Variants in TMEM154 observed in about 807,000 individuals in gnomAD.
The protein encoded by TMEM154 is transmembrane protein 154.
TMEM154 carries 27 observed loss-of-function variants against 24.5 expected under a neutral mutation model. The ratio of observed to expected loss-of-function variants is 1.10; its 90% confidence interval spans 0.81 to 1.52. The LOEUF (loss-of-function observed/expected upper bound fraction) is 1.52, where lower values mean the gene tolerates loss of function less well. Ranked by LOEUF, TMEM154 falls within the 40% of genes most tolerant of loss-of-function variation. The pLI is 0.00. For synonymous variants in TMEM154, 67 were observed against 76.8 expected (o/e 0.87, Z 0.67); for missense variants, 228 against 213.4 (o/e 1.07, Z -0.43).
chr4:152,628,936 C>T (rs1046265588), intron 6 of TMEM154, among the ~76,000 whole-genome samples: 16 of 151,954 alleles, frequency 1.1e-4, no homozygotes, highest in African/African-American at 2.7e-4. Flanking sequence ...TGAGCCACTG[C>T]ACCCGGCCAA....
chr4:152,645,064 C>G (rs1017361962), intron 3 of TMEM154, among the ~76,000 whole-genome samples: 5 of 152,178 alleles, frequency 3.3e-5, no homozygotes, highest in African/African-American at 1.2e-4. Context: ...AGCTCAGCAC[C>G]TTGCTTGCAT....
rs1272839956 is a variant in TMEM154 at position 152,627,515 on chromosome 4, A to G, written c.*1031T>C. ...CTTTTAGCACAAGGATGTCAAAAATATCACATAGAATGTCATCTCTGATGG... is the reference window on the plus strand; with the variant it reads ...CTTTTAGCACAAGGATGTCAAAAATGTCACATAGAATGTCATCTCTGATGG... On this transcript the variant is annotated 3_prime_UTR_variant, in exon 7 of 7. Transcript: ENST00000304385. The G allele has an allele frequency of 1.3e-5, 2 of 152,210 alleles. No individual in the cohort carries two copies. Among genetic ancestry groups the G allele is most frequent in the African/African-American group, 4.8e-5 (2 of 41,458 alleles). 9.4% of individuals were successfully genotyped at this position (152,210 alleles called of 1,614,324 possible).
In TMEM154 at chr4:152,654,639, G is replaced by T. The variant is rs578096144; in HGVS notation, c.65-1712C>A. On this transcript the variant is annotated intron_variant, in intron 1 of 6. Coordinates refer to ENST00000304385, the MANE Select transcript of TMEM154 (RefSeq NM_152680.3). The stretch of plus-strand genomic sequence containing the variant: ...GTGGGGACCCTATGACAGGATTATT[G>T]CTCCTATGAGAAGATAAGAAAACCA... Among the ~76,000 whole-genome samples the T allele has an allele frequency of 2.6e-5, 4 of 152,304 alleles. No individual in the cohort carries two copies. The East Asian group carries it at 7.7e-4, about 29-fold the overall frequency.
At chr4:152,663,221 C>T (rs1314495212) in intron 1 of TMEM154, among the ~76,000 whole-genome samples, 1 of 152,146 alleles carries the variant, frequency 6.6e-6, no homozygotes, top group African/African-American at 2.4e-5. Flanking sequence ...CTGTACTTGC[C>T]TGTTTCTCTG....
rs112861894 is a variant in TMEM154, at chr4:152,647,330, G to GA, written c.365-2889dup. ...CTTCCATGATAGTTGTATTTTACCTGAAAAAAAATCAAATTTTGCTCATGT... is the reference window on the plus strand; with the variant it reads ...CTTCCATGATAGTTGTATTTTACCTGAAAAAAAAATCAAATTTTGCTCATGT... On this transcript the variant is annotated intron_variant, in intron 3 of 6. Transcript: ENST00000304385. 2,823 of 984,776 alleles carry GA rather than the reference G, an allele frequency of 2.9e-3. 59 individuals are homozygous for GA. The African/African-American group carries it at 0.044, about 15-fold the overall frequency. The allele number at this position is 984,776 out of a possible 1,614,324, so 61.0% of individuals were successfully genotyped here. A position where few individuals can be genotyped will look rare whatever the true frequency, so the allele number is the denominator to read the frequency against.
At position 152,648,908 on chromosome 4, in the gene TMEM154, G is replaced by A. The variant is rs1311643358; in HGVS notation, c.364+3630C>T. On this transcript the variant is annotated intron_variant, in intron 3 of 6. Coordinates refer to ENST00000304385, the MANE Select transcript of TMEM154 (RefSeq NM_152680.3). ...AATTTTAAAAAATTTAAAAAGCTCT[G>A]TTTGCTTTTTTTTCTTAAGCTTAGA... Among the ~76,000 whole-genome samples the A allele has an allele frequency of 2.6e-5, 4 of 152,144 alleles. No homozygotes were observed. In the East Asian group the frequency reaches 7.7e-4, roughly 29 times the overall value.
At chr4:152,654,571 T>C (rs1455097455) in intron 1 of TMEM154, among the ~76,000 whole-genome samples, 1 of 152,168 alleles carries the variant, frequency 6.6e-6, no homozygotes, top group African/African-American at 2.4e-5. Flanking sequence ...GGCTAAGAGG[T>C]GAGGCCTTTG....
chr4:152,669,731 C>T (rs1728788500), intron 1 of TMEM154: 1 of 152,128 alleles, frequency 6.6e-6, no homozygotes. Context: ...CATTGGAATC[C>T]CGTTTCTGAA....
In TMEM154 at chr4:152,626,618, T is replaced by G. The variant is rs1409942494; in HGVS notation, c.*1928A>C. The G allele has an allele frequency of 6.6e-6, 1 of 152,218 alleles. No individual in the cohort carries two copies. Among genetic ancestry groups the G allele is most frequent in the Non-Finnish European group, 1.5e-5 (1 of 68,038 alleles). 9.4% of individuals were successfully genotyped at this position (152,218 alleles called of 1,614,324 possible). ...TTTAAAATACTGCATGAGAATATTT[T>G]TATCATATTATATAATATGACTTCA... On this transcript the variant is annotated 3_prime_UTR_variant, in exon 7 of 7. Coordinates refer to ENST00000304385, the MANE Select transcript of TMEM154 (RefSeq NM_152680.3).
chr4:152,637,187 T>G (rs1242091249), intron 6 of TMEM154, among the ~76,000 whole-genome samples: 1 of 152,186 alleles, frequency 6.6e-6, no homozygotes, highest in East Asian at 1.9e-4. Context: ...AAAATCCCAG[T>G]GTGGGAGGGG....
chr4:152,673,737 T>C (rs146790439), intron 1 of TMEM154, among the ~76,000 whole-genome samples: 2 of 152,370 alleles, frequency 1.3e-5, no homozygotes, highest in Admixed American at 1.3e-4. Flanking sequence ...TTAATTTTAC[T>C]TGTTATGTTG....
At chr4:152,629,092 G>A (rs1314580993) in intron 6 of TMEM154, among the ~76,000 whole-genome samples, 7 of 152,182 alleles carry the variant, frequency 4.6e-5, no homozygotes, top group African/African-American at 1.7e-4. Flanking sequence ...TCTGATCCCT[G>A]AGGAAGAAAT....
intron 1 of TMEM154, among the ~76,000 whole-genome samples, chr4:152,667,558 A>T (rs1458455366): frequency 1.3e-5 from 2 of 152,238 alleles, no homozygotes; most frequent in Non-Finnish European, 1.5e-5. Context: ...GTTGTTCTAC[A>T]TATTTGCCAA....
chr4:152,645,572 G>C (rs1174792913), intron 3 of TMEM154, among the ~76,000 whole-genome samples: 1 of 152,198 alleles, frequency 6.6e-6, no homozygotes, highest in African/African-American at 2.4e-5. Flanking sequence ...TTCATCATGT[G>C]AAACCTATTG....
chr4:152,679,810 G>T, intron 1 of TMEM154, 60 bp downstream of exon 1: 2 of 1,569,072 alleles, frequency 1.3e-6, no homozygotes, highest in East Asian at 2.3e-5. Context: ...CTGTAGCCTC[G>T]GGCACCCTAC....
At chr4:152,661,696 A>C (rs567874848) in intron 1 of TMEM154, among the ~76,000 whole-genome samples, 3 of 152,324 alleles carry the variant, frequency 2.0e-5, no homozygotes, top group Non-Finnish European at 4.4e-5. Flanking sequence ...TGTACAACTA[A>C]GGAGTGATCC....
chr4:152,645,114 G>C (rs536322031), intron 3 of TMEM154, among the ~76,000 whole-genome samples: 1 of 43,634 alleles, frequency 2.3e-5, no homozygotes, highest in Non-Finnish European at 4.6e-5. Context: ...TGGTCAACCC[G>C]TCTGTTTGAT....
At chr4:152,645,434 A>G (rs2149781753) in intron 3 of TMEM154, among the ~76,000 whole-genome samples, 1 of 152,310 alleles carries the variant, frequency 6.6e-6, no homozygotes, top group East Asian at 1.9e-4. Context: ...TCAGACTCCA[A>G]ATGAACAAGT....
intron 1 of TMEM154, among the ~76,000 whole-genome samples, chr4:152,656,012 A>C (rs1728483707): frequency 6.6e-6 from 1 of 152,058 alleles, no homozygotes; most frequent in Non-Finnish European, 1.5e-5. Flanking sequence ...AGTCTAGTCC[A>C]TCACCACTGG....
Sources: gnomAD v4.1 joint callset for allele counts (sites outside exome capture counted in the v4.1 genomes callset) on GRCh38, gnomAD v4.1.1 for gene constraint, MANE v1.5 for transcripts, NCBI Gene and HGNC (gene_info 2026-07-23, HGNC 2026-07-21) for gene names.